EMG1: variants seen among roughly 807,000 people sequenced by gnomAD.
EMG1 encodes the protein EMG1 N1-specific pseudouridine methyltransferase.
EMG1 carries 24 observed loss-of-function variants against 26.9 expected under a neutral mutation model. The ratio of observed to expected loss-of-function variants is 0.89; its 90% CI spans 0.65 to 1.26. The LOEUF (loss-of-function observed/expected upper bound fraction) is 1.26, where lower values mean the gene tolerates loss of function less well. Ranked by LOEUF, EMG1 falls within the 50% of genes most tolerant of loss-of-function variation. The pLI, the probability that EMG1 is intolerant of heterozygous loss-of-function variation, is 0.00. For synonymous variants in EMG1, 140 were observed against 112.6 expected, an observed-to-expected ratio of 1.24 and a Z score of -1.54; for missense variants, 299 against 307.6, an observed-to-expected ratio of 0.97 and a Z score of 0.21.
chr12:6,977,767 G>A lies in EMG1; in HGVS notation c.*1958G>A. The A allele has an allele frequency of 2.5e-6, 4 of 1,613,528 alleles. No homozygotes were observed. The highest frequency in any genetic ancestry group is 3.4e-6 in the Non-Finnish European group (4 of 1,179,858). ...GTAGCTGGAGAAAAGGGTGGGTGGG[G>A]CGACCCTCAAACTGACTGGTCCTTG... On this transcript the variant is annotated 3_prime_UTR_variant, in exon 6 of 6. Coordinates refer to ENST00000599672, the MANE Select transcript of EMG1 (RefSeq NM_006331.8). The surrounding 1 kb of genome is among the most constrained non-coding windows in gnomAD (Gnocchi z 4.5).
downstream of EMG1, chr12:6,983,617 T>A: frequency 1.2e-6 from 1 of 864,374 alleles, no homozygotes; most frequent in Non-Finnish European, 1.9e-6. Flanking sequence ...TTATCTGGCA[T>A]GAAACGCAGC....
At chr12:6,994,730 C>T (rs113480047) in intron 7 of EMG1, among the ~76,000 whole-genome samples, 1,811 of 152,352 alleles carry the variant, frequency 0.012, 34 homozygotes, top group African/African-American at 0.04. Context: ...GTTGGGATTA[C>T]AGGCATCAGC....
At chr12:6,981,203 A>G (rs1555154021), downstream of EMG1, 3 of 1,576,138 alleles carry the variant, frequency 1.9e-6, no homozygotes, top group South Asian at 1.2e-5. Flanking sequence ...AAGAGAATGC[A>G]TGGTTCAGGA....
chr12:6,986,795 C>CAAA (rs1157395768), intron 6 of EMG1, among the ~76,000 whole-genome samples: 18 of 33,900 alleles, frequency 5.3e-4, no homozygotes, highest in African/African-American at 1.2e-3. Context: ...GACTCTGTCT[C>CAAA]AAAAAAAAAA....
At chr12:6,980,969 C>T, downstream of EMG1, 1 of 1,537,136 alleles carries the variant, frequency 6.5e-7, no homozygotes, top group African/African-American at 1.4e-5. Context: ...GAGTGAAATA[C>T]CTACACAAAC....
downstream of EMG1, chr12:6,982,619 CCT>C (rs1392079083): frequency 2.3e-6 from 3 of 1,322,150 alleles, no homozygotes; most frequent in East Asian, 2.3e-5. Flanking sequence ...CCTGCCTACC[CCT>C]GTCCCCTGAA....
chr12:6,980,991 G>A, downstream of EMG1: 1 of 1,573,332 alleles, frequency 6.4e-7, no homozygotes, highest in Non-Finnish European at 8.6e-7. Flanking sequence ...TCTGGACCAA[G>A]AGGGGCAATT....
intron 1 of EMG1, among the ~76,000 whole-genome samples, chr12:6,973,995 GT>G (rs1946362989): frequency 6.6e-6 from 1 of 152,244 alleles, no homozygotes; most frequent in Admixed American, 6.5e-5. Context: ...CTCCTGCCTA[GT>G]TCCAGGATGT....
At chr12:6,980,761 A>T, downstream of EMG1, 2 of 348,194 alleles carry the variant, frequency 5.7e-6, no homozygotes, top group Non-Finnish European at 1.0e-5. Flanking sequence ...TGACTGGTTC[A>T]GGCAAAATCC....
chr12:6,980,067 A>T (rs1946454823), downstream of EMG1: 1 of 144,916 alleles, frequency 6.9e-6, no homozygotes, highest in Non-Finnish European at 1.5e-5. Context: ...TATTTTCTAG[A>T]GTCAGGGCCT....
intron 1 of EMG1, 105 bp from the exon 2 acceptor site, chr12:6,974,234 T>A: frequency 1.2e-6 from 1 of 813,810 alleles, no homozygotes; most frequent in Non-Finnish European, 2.0e-6. Context: ...CTAACAAGTT[T>A]CCAGGTGCAG....
chr12:6,975,419 A>C lies in EMG1; in HGVS notation c.621+41A>C, dbSNP rs1317393063. ...AACCCTGAAATTCTTGGTAGAGCTG[A>C]ACTTAGTATAGAATTCCCAGAGCAG... On this transcript the variant is annotated intron_variant, in intron 5 of 5. Coordinates refer to ENST00000599672, the MANE Select transcript of EMG1 (RefSeq NM_006331.8). The C allele has an allele frequency of 2.6e-6, 4 of 1,543,698 alleles. No individual in the cohort carries two copies. The African/African-American group carries it at 4.1e-5, about 16-fold the overall frequency.
At position 6,971,055 on chromosome 12, in the gene EMG1, TGTG is replaced by T; in HGVS notation, c.136_138del (p.Val46del). On this transcript the variant is annotated inframe_deletion, in exon 1 of 6. Coordinates refer to ENST00000599672, the MANE Select transcript of EMG1 (RefSeq NM_006331.8). ...ACAAGATCGGAGGCCGTAGGCTTATTGTGGTGCTGGAAGGGGCCAGTCTGGAGA... is the reference window on the plus strand; with the variant it reads ...ACAAGATCGGAGGCCGTAGGCTTATTGTGCTGGAAGGGGCCAGTCTGGAGA... 6.2e-7 allele frequency: 1 copy of T among 1,611,632 alleles called. No individual in the cohort carries two copies. Among genetic ancestry groups the T allele is most frequent in the Non-Finnish European group, 8.5e-7 (1 of 1,178,862 alleles).
downstream of EMG1, among the ~76,000 whole-genome samples, chr12:6,989,499 A>G (rs1203740670): frequency 1.3e-5 from 2 of 151,852 alleles, no homozygotes; most frequent in Non-Finnish European, 2.9e-5. Flanking sequence ...TTTAGTAGAG[A>G]CAGGGTTTCA....
chr12:6,981,729 GGAGGGGGGGTGCC>G, downstream of EMG1: 2 of 1,365,978 alleles, frequency 1.5e-6, no homozygotes, highest in Non-Finnish European at 2.1e-6. Context: ...GGCGGGGGGC[GGAGGGGGGGTGCC>G]GAGGAAGTTT....
chr12:6,974,925 C>G, intron 3 of EMG1, 165 bp from the exon 4 acceptor site: 1 of 833,942 alleles, frequency 1.2e-6, no homozygotes, highest in Non-Finnish European at 2.0e-6. Context: ...CACTGTACAG[C>G]TAGCCATATG....
At position 6,987,597 on chromosome 12, in the gene EMG1, C is replaced by T. The variant is rs1555154948; in HGVS notation, c.*155-185C>T. 1.3e-5 allele frequency among the ~76,000 whole-genome samples: 2 copies of T among 151,986 alleles called. No individual in the cohort carries two copies. The highest frequency in any genetic ancestry group is 4.8e-5 in the African/African-American group (2 of 41,356). ...TTTATTTTTACTTTTGTTTTAGTAA[C>T]GGGGTATAAATAAAAAAATATAAAA... On this transcript the variant is annotated intron_variant and NMD_transcript_variant, in intron 6 of 7. Coordinates refer to the EMG1 transcript ENST00000261406. This position sits in a 1 kb window ranked among gnomAD's most constrained non-coding sequence, Gnocchi z 4.1.
intron 7 of EMG1, among the ~76,000 whole-genome samples, chr12:6,995,204 G>A (rs986576111): frequency 6.6e-6 from 1 of 151,464 alleles, no homozygotes; most frequent in African/African-American, 2.4e-5. Flanking sequence ...CCAGGGCATG[G>A]TGGCTCCACG....
At position 6,979,814 on chromosome 12, in the gene EMG1, G is replaced by C. The variant is rs997760396; in HGVS notation, c.*4005G>C. 1.8e-6 allele frequency: 1 copy of C among 552,254 alleles called. No individual in the cohort carries two copies. The highest frequency in any genetic ancestry group is 1.9e-5 in the African/African-American group (1 of 52,884). 34.2% of individuals were successfully genotyped at this position (552,254 alleles called of 1,614,324 possible). A position where few individuals can be genotyped will look rare whatever the true frequency, so the allele number is the denominator to read the frequency against. ...TGTAGGAAAGTCAGGGCAGCAGACA[G>C]TGGACCAGTCTTGTGTTTACCCCTC... On this transcript the variant is annotated 3_prime_UTR_variant, in exon 6 of 6. Coordinates refer to ENST00000599672, the MANE Select transcript of EMG1 (RefSeq NM_006331.8).
Sources: allele counts gnomAD v4.1 joint callset (sites outside exome capture counted in the v4.1 genomes callset), GRCh38; gene constraint gnomAD v4.1.1; non-coding constraint Gnocchi (gnomAD v3.1); transcripts MANE v1.5; gene names NCBI Gene and HGNC (gene_info 2026-07-23, HGNC 2026-07-21).